SYT3: variants seen among roughly 807,000 people sequenced by gnomAD.
SYT3 encodes synaptotagmin-3.
A neutral mutation model predicts 50.6 loss-of-function variants in SYT3; 25 were observed. The ratio of observed to expected loss-of-function variants is 0.49; its 90% confidence interval spans 0.36 to 0.69. The LOEUF is 0.69. Ranked by LOEUF, SYT3 falls within the 30% of genes least tolerant of loss-of-function variation. The pLI, the probability that SYT3 is intolerant of heterozygous loss-of-function variation, is 0.00. For missense variants in SYT3, 589 were observed against 793.6 expected, an observed-to-expected ratio of 0.74 and a Z score of 3.10; for synonymous variants, 323 against 353.9, an observed-to-expected ratio of 0.91 and a Z score of 0.98.
At chr19:50,656,690 G>A in the SYT3 span, among the ~76,000 whole-genome samples, 8 of 152,116 alleles carry the variant, frequency 5.3e-5, no homozygotes, top group African/African-American at 9.7e-5. Context: ...GGTGGCTCAC[G>A]CCTGTAATCC....
intron 9 of SYT3, among the ~76,000 whole-genome samples, chr19:50,623,508 T>G (rs1983923381): frequency 6.6e-6 from 1 of 150,428 alleles, no homozygotes; most frequent in South Asian, 2.1e-4. Flanking sequence ...CCAGGCGCGG[T>G]GGCTCACGCC....
chr19:50,653,510 G>A, the SYT3 span, among the ~76,000 whole-genome samples: 3 of 152,022 alleles, frequency 2.0e-5, no homozygotes, highest in Admixed American at 6.6e-5. Flanking sequence ...AGGGGATCCC[G>A]TGAAAATGTA....
At chr19:50,650,847 C>T in the SYT3 span, among the ~76,000 whole-genome samples, 3 of 152,200 alleles carry the variant, frequency 2.0e-5, no homozygotes, top group African/African-American at 2.4e-5. Context: ...CTTTTGAAGG[C>T]ATCTTTCTTT....
At chr19:50,648,003 C>G in the SYT3 span, among the ~76,000 whole-genome samples, 1 of 152,142 alleles carries the variant, frequency 6.6e-6, no homozygotes, top group Non-Finnish European at 1.5e-5. Context: ...AAACGCAAAT[C>G]AAATTGACCT....
chr19:50,627,107 C>T (rs920771806), intron 6 of SYT3, among the ~76,000 whole-genome samples: 6 of 152,318 alleles, frequency 3.9e-5, no homozygotes, highest in Middle Eastern at 3.4e-3. Flanking sequence ...GCTGGAGCCA[C>T]GCTGGAGCTA....
the SYT3 span, among the ~76,000 whole-genome samples, chr19:50,655,826 A>G: frequency 6.6e-6 from 1 of 152,208 alleles, no homozygotes; most frequent in African/African-American, 2.4e-5. Context: ...AGAGCCTAAT[A>G]GGAACCCAGC....
the SYT3 span, chr19:50,657,997 G>A: frequency 6.5e-7 from 1 of 1,530,432 alleles, no homozygotes; most frequent in Admixed American, 2.0e-5. Context: ...AGCCCGAGGA[G>A]GATTTTACCC....
At chr19:50,646,580 A>C in the SYT3 span, among the ~76,000 whole-genome samples, 1 of 152,168 alleles carries the variant, frequency 6.6e-6, no homozygotes, top group African/African-American at 2.4e-5. Flanking sequence ...GGCAGTGTTC[A>C]GAGGTCTGGA....
rs1984331677 is a variant in SYT3, at chr19:50,632,207, T to C, written c.674+79A>G. The C allele has an allele frequency of 7.0e-7, 1 of 1,426,610 alleles. No individual in the cohort carries two copies. 88.4% of individuals were successfully genotyped at this position (1,426,610 alleles called of 1,614,324 possible). On this transcript the variant is annotated intron_variant, in intron 4 of 10. Transcript: ENST00000600079. The surrounding 1 kb of genome is among the most constrained non-coding windows in gnomAD (Gnocchi z 4.7). Reference sequence around the variant, plus strand: ...GATTCCCCTCCAAATCCCGAACTCATAAGAGCTATAGATAGGAAAGAGACA... The same window carrying C: ...GATTCCCCTCCAAATCCCGAACTCACAAGAGCTATAGATAGGAAAGAGACA...
At chr19:50,646,750 G>A in the SYT3 span, among the ~76,000 whole-genome samples, 2 of 152,140 alleles carry the variant, frequency 1.3e-5, no homozygotes, top group African/African-American at 4.8e-5. Flanking sequence ...AGCATTCCAG[G>A]CAGAAGACAC....
chr19:50,656,820 CAG>C, the SYT3 span, among the ~76,000 whole-genome samples: 1 of 151,850 alleles, frequency 6.6e-6, no homozygotes, highest in Non-Finnish European at 1.5e-5. Flanking sequence ...GGCGTGGTGG[CAG>C]GTGGCTGGAA....
chr19:50,645,598 G>C, the SYT3 span, among the ~76,000 whole-genome samples: 1 of 152,158 alleles, frequency 6.6e-6, no homozygotes, highest in Non-Finnish European at 1.5e-5. Flanking sequence ...TGTGATACAG[G>C]AATTCAAATT....
At chr19:50,656,504 T>C in the SYT3 span, among the ~76,000 whole-genome samples, 1 of 152,076 alleles carries the variant, frequency 6.6e-6, no homozygotes, top group South Asian at 2.1e-4. Context: ...GATTGTGAAT[T>C]TGTCAAAGGG....
intron 2 of SYT3, among the ~76,000 whole-genome samples, chr19:50,638,320 C>T (rs1177737970): frequency 6.6e-6 from 1 of 151,874 alleles, no homozygotes; most frequent in Non-Finnish European, 1.5e-5. Context: ...GGTCCAGGGA[C>T]CAAGGAGGCC....
intron 6 of SYT3, among the ~76,000 whole-genome samples, chr19:50,629,044 G>A (rs1028689660): frequency 5.3e-5 from 8 of 151,966 alleles, no homozygotes; most frequent in African/African-American, 1.9e-4. Context: ...GGCTGGTCTC[G>A]AACTCCCAAC....
rs529397903 is a variant in SYT3, at chr19:50,623,613, C to CAAAAAAAAAAAAAAAAAAAAAAAA, written c.1708-882_1708-859dup. Reference sequence around the variant, plus strand: ...ACAACATGGCAAAACCCTGTCTCTACAAAAAAAAAAAAAAAAAAAAAAAAA... The same window carrying CAAAAAAAAAAAAAAAAAAAAAAAA: ...ACAACATGGCAAAACCCTGTCTCTACAAAAAAAAAAAAAAAAAAAAAAAAAAAAAAAAAAAAAAAAAAAAAAAAA... On this transcript the variant is annotated intron_variant, in intron 9 of 10. Transcript: ENST00000600079. Among the ~76,000 whole-genome samples, 6 of 91,620 alleles carry CAAAAAAAAAAAAAAAAAAAAAAAA rather than the reference C, an allele frequency of 6.5e-5. 1 individual carries two copies. The highest frequency in any genetic ancestry group is 1.2e-4 in the Admixed American group (1 of 8,136). 60.1% of individuals were successfully genotyped at this position (91,620 alleles called of 152,430 possible). A position where few individuals can be genotyped will look rare whatever the true frequency, so the allele number is the denominator to read the frequency against.
chr19:50,630,081 T>A lies in SYT3; in HGVS notation c.765A>T (p.Leu255Phe). The A allele has an allele frequency of 6.2e-7, 1 of 1,613,320 alleles. No homozygotes were observed. The highest frequency in any genetic ancestry group is 8.5e-7 in the Non-Finnish European group (1 of 1,179,732). The change falls in exon 5 of 11, where the codon TTA becomes TTT. Residue 255 changes from leucine (L) to phenylalanine (F), a missense_variant. Leu to Phe is a conservative substitution (Grantham distance 22, BLOSUM62 0). Around this residue, in one of 2 missense-constraint regions of SYT3, gnomAD observed 316 missense variants for 354.3 expected, o/e 0.89. Coordinates refer to ENST00000600079, the MANE Select transcript of SYT3 (RefSeq NM_001160329.2). ...SSEERPPALP[L>F]PLPGGEEKAK... ...CTTTTTCCTCGCCTCCAGGCAGGGGTAAGGGCAGGGCAGGTGGCCGCTCCT... is the reference window on the plus strand; with the variant it reads ...CTTTTTCCTCGCCTCCAGGCAGGGGAAAGGGCAGGGCAGGTGGCCGCTCCT...
At position 50,637,387 on chromosome 19, in the gene SYT3, G is replaced by C; in HGVS notation, c.25C>G (p.Leu9Val). 1 of 1,607,910 alleles carries C rather than the reference G, an allele frequency of 6.2e-7. No individual in the cohort carries two copies. The highest frequency in any genetic ancestry group is 8.5e-7 in the Non-Finnish European group (1 of 1,177,204). The change falls in exon 3 of 11, where the codon CTC becomes GTC. Residue 9 changes from leucine (L) to valine (V), a missense_variant. Leu to Val is a conservative substitution (Grantham distance 32). Around this residue, in one of 2 missense-constraint regions of SYT3, gnomAD observed 316 missense variants for 354.3 expected, o/e 0.89. Coordinates refer to ENST00000600079, the MANE Select transcript of SYT3 (RefSeq NM_001160329.2). The surrounding 1 kb of genome is among the most constrained non-coding windows in gnomAD (Gnocchi z 4.9). ...ACCAGGATGAGTGCCCGCCGGCAGA[G>C]GTCATCCTCGTAGTCTCCTGACATG... MSGDYEDD[L>V]CRRALILVSD... is the part of the protein sequence containing the mutation.
At chr19:50,651,708 G>GA in the SYT3 span, among the ~76,000 whole-genome samples, 503 of 131,482 alleles carry the variant, frequency 3.8e-3, no homozygotes, top group African/African-American at 0.012. Flanking sequence ...GTCACCAAAG[G>GA]AAAAAAAAAA....
Sources: allele counts gnomAD v4.1 joint callset (sites outside exome capture counted in the v4.1 genomes callset), GRCh38; gene constraint gnomAD v4.1.1; regional missense constraint gnomAD v4.1.1; non-coding constraint Gnocchi (gnomAD v3.1); transcripts MANE v1.5; gene names NCBI Gene and HGNC (gene_info 2026-07-23, HGNC 2026-07-21).